Variants in NLGN1 observed in about 807,000 individuals in gnomAD.
NLGN1 encodes the protein neuroligin 1, also known as neuroligin-1.
In NLGN1, 12 loss-of-function variants were observed where a neutral mutation model predicts 65.5. The observed-to-expected ratio is 0.18, with a 90% CI of 0.12 to 0.30. The LOEUF (loss-of-function observed/expected upper bound fraction) is 0.30. Among genes scored for constraint, NLGN1 ranks in the 10% least tolerant of loss-of-function variants. The pLI is 1.00. For missense variants in NLGN1, 750 were observed against 1,007.1 expected, an observed-to-expected ratio of 0.74 and a Z score of 3.46; for synonymous variants, 350 against 359.5, an observed-to-expected ratio of 0.97 and a Z score of 0.30.
intron 3 of NLGN1, among the ~76,000 whole-genome samples, chr3:173,689,020 AT>A (rs1765079593): frequency 6.6e-6 from 1 of 152,114 alleles, no homozygotes; most frequent in Non-Finnish European, 1.5e-5. Flanking sequence ...TCTGCCGCTA[AT>A]GTCATTTATG....
intron 4 of NLGN1, among the ~76,000 whole-genome samples, chr3:174,165,728 G>A (rs1727363781): frequency 6.6e-6 from 1 of 151,998 alleles, no homozygotes; most frequent in Non-Finnish European, 1.5e-5. Flanking sequence ...AGTTACAGAG[G>A]AGACTCTACT....
intron 4 of NLGN1, among the ~76,000 whole-genome samples, chr3:174,234,698 A>G (rs1741338688): frequency 1.3e-5 from 2 of 152,136 alleles, no homozygotes; most frequent in Admixed American, 6.6e-5. Flanking sequence ...GTTGCCTGAC[A>G]TTCCTGGTGG....
chr3:173,800,589 AT>A (rs937342263), intron 3 of NLGN1, among the ~76,000 whole-genome samples: 84 of 146,644 alleles, frequency 5.7e-4, no homozygotes, highest in Middle Eastern at 3.6e-3. Flanking sequence ...AAAGAGGGGC[AT>A]TTTTTTTTTG....
rs3032837 is a variant in NLGN1, at chr3:173,667,239, G to GCACACACACACACACACA, written c.493+62160_493+62177dup. 6.3e-3 allele frequency among the ~76,000 whole-genome samples: 927 copies of GCACACACACACACACACA among 147,404 alleles called. 8 individuals carry two copies. The highest frequency in any genetic ancestry group is 0.02 in the African/African-American group (795 of 39,398). ...TTGCCATAATGAAACACACGCATAT[G>GCACACACACACACACACA]CACACACACACACACACACACACAC... On this transcript the variant is annotated intron_variant, in intron 3 of 6. Transcript: ENST00000457714.
At chr3:173,865,616 G>A (rs1729998375) in intron 4 of NLGN1, among the ~76,000 whole-genome samples, 1 of 152,110 alleles carries the variant, frequency 6.6e-6, no homozygotes, top group Non-Finnish European at 1.5e-5. Flanking sequence ...AGATTACCCA[G>A]CTGGGAAGCA....
chr3:174,240,230 A>T (rs1354246956), intron 4 of NLGN1, among the ~76,000 whole-genome samples: 1 of 152,170 alleles, frequency 6.6e-6, no homozygotes, highest in East Asian at 1.9e-4. Context: ...GGTCATACTT[A>T]AAAAGTTCTC....
intron 4 of NLGN1, among the ~76,000 whole-genome samples, chr3:173,884,769 AT>A (rs1412043392): frequency 1.3e-5 from 2 of 152,314 alleles, no homozygotes; most frequent in African/African-American, 2.4e-5. Flanking sequence ...AGACTGGATA[AT>A]TGATAAACAA....
At chr3:174,272,656 TGG>T (rs1491270243) in intron 4 of NLGN1, among the ~76,000 whole-genome samples, 2 of 127,746 alleles carry the variant, frequency 1.6e-5, no homozygotes, top group Non-Finnish European at 3.5e-5. Flanking sequence ...TATGGATGGA[TGG>T]ATGGATGGAT....
At chr3:173,647,686 AATTTAT>A (rs1197900163) in intron 3 of NLGN1, among the ~76,000 whole-genome samples, 1 of 152,114 alleles carries the variant, frequency 6.6e-6, no homozygotes, top group Non-Finnish European at 1.5e-5. Context: ...CATAAGGTAA[AATTTAT>A]ATACTAAACG....
chr3:173,419,752 A>G (rs1281591390), intron 1 of NLGN1, among the ~76,000 whole-genome samples: 5 of 151,982 alleles, frequency 3.3e-5, no homozygotes, highest in Non-Finnish European at 1.5e-5. Context: ...GGGTGGATCA[A>G]GAGGTCAAGA....
At chr3:173,788,222 A>G (rs186372587) in intron 3 of NLGN1, among the ~76,000 whole-genome samples, 4,806 of 150,598 alleles carry the variant, frequency 0.032, 97 homozygotes, top group Non-Finnish European at 0.053. Context: ...AAAAAAAAAA[A>G]AAAAAGAAAA....
In NLGN1 at chr3:173,534,203, T is replaced by G. The variant is rs149381335; in HGVS notation, c.-320-70076T>G. Among the ~76,000 whole-genome samples, 66 of 152,324 alleles carry G rather than the reference T, an allele frequency of 4.3e-4. No individual in the cohort carries two copies. In the East Asian group the frequency reaches 0.01, roughly 23 times the overall value. ...TATTTTAAAAGAACTATAATGTAAT[T>G]TCATATCCTAATTGGTGGCCACATA... On this transcript the variant is annotated intron_variant, in intron 2 of 6. Transcript: ENST00000457714.
At chr3:173,691,137 A>G (rs1363332652) in intron 3 of NLGN1, among the ~76,000 whole-genome samples, 2 of 152,094 alleles carry the variant, frequency 1.3e-5, no homozygotes, top group Non-Finnish European at 2.9e-5. Flanking sequence ...AAGAGGGGGA[A>G]CTTGAAATAA....
At position 174,255,435 on chromosome 3, in the gene NLGN1, C is replaced by CAAAAAAAAAAAAAAAAAAA. The variant is rs71162383; in HGVS notation, c.647-19877_647-19859dup. On this transcript the variant is annotated intron_variant, in intron 4 of 6. Transcript: ENST00000457714. ...TAGGCGATAGAGCAAGACTCTGTCT[C>CAAAAAAAAAAAAAAAAAAA]AAAAAAAAAAAAAAAAAAAAAGCGC... is the stretch of plus-strand genomic sequence containing the variant. 3.7e-3 allele frequency among the ~76,000 whole-genome samples: 263 copies of CAAAAAAAAAAAAAAAAAAA among 70,218 alleles called. 23 individuals are homozygous for CAAAAAAAAAAAAAAAAAAA. Among genetic ancestry groups the CAAAAAAAAAAAAAAAAAAA allele is most frequent in the African/African-American group, 0.01 (134 of 12,946 alleles). 46.1% of individuals were successfully genotyped at this position (70,218 alleles called of 152,430 possible). A position where few individuals can be genotyped will look rare whatever the true frequency, so the allele number is the denominator to read the frequency against.
intron 4 of NLGN1, among the ~76,000 whole-genome samples, chr3:174,212,011 A>G (rs1427569041): frequency 1.3e-5 from 2 of 152,116 alleles, no homozygotes; most frequent in Admixed American, 6.5e-5. Flanking sequence ...ACTGGGTGCC[A>G]TGGAGCAGGG....
At chr3:173,600,592 C>CT (rs150984290) in intron 2 of NLGN1, among the ~76,000 whole-genome samples, 1 of 103,478 alleles carries the variant, frequency 9.7e-6, no homozygotes, top group African/African-American at 3.3e-5. Flanking sequence ...AAAAACATAT[C>CT]TTTTTTTTTA....
At chr3:173,766,111 CAG>C (rs1273336112) in intron 3 of NLGN1, among the ~76,000 whole-genome samples, 3 of 145,620 alleles carry the variant, frequency 2.1e-5, no homozygotes, top group African/African-American at 7.7e-5. Flanking sequence ...TTTTCTGAGA[CAG>C]AGTCTTGCTC....
intron 2 of NLGN1, among the ~76,000 whole-genome samples, chr3:173,455,641 A>T (rs902293152): frequency 1.4e-5 from 2 of 143,928 alleles, no homozygotes; most frequent in Admixed American, 6.7e-5. Flanking sequence ...TTCAATTTAT[A>T]AAAAAAATGC....
chr3:174,138,761 A>C (rs1421704631), intron 4 of NLGN1, among the ~76,000 whole-genome samples: 1 of 152,108 alleles, frequency 6.6e-6, no homozygotes, highest in Non-Finnish European at 1.5e-5. Flanking sequence ...TTAGTTCTTT[A>C]TGCACAGCTG....
Sources: gnomAD v4.1 joint callset for allele counts (sites outside exome capture counted in the v4.1 genomes callset) on GRCh38, gnomAD v4.1.1 for gene constraint, MANE v1.5 for transcripts, NCBI Gene and HGNC (gene_info 2026-07-23, HGNC 2026-07-21) for gene names.